The following SHPRH variants were observed in gnomAD, a reference collection of about 807,000 sequenced individuals.
SHPRH encodes E3 ubiquitin-protein ligase SHPRH.
In SHPRH, 106 loss-of-function variants were observed where a neutral mutation model predicts 202.5. The observed-to-expected ratio is 0.52, with a 90% CI of 0.45 to 0.62. SHPRH has a LOEUF of 0.62. SHPRH is among the 20% of genes least tolerant of loss of function. SHPRH has a pLI of 0.00. For synonymous variants in SHPRH, 729 were observed against 686.0 expected, an observed-to-expected ratio of 1.06 and a Z score of -0.98; for missense variants, 1,710 against 2,020.0, an observed-to-expected ratio of 0.85 and a Z score of 2.94.
At chr6:145,905,370 G>A (rs1384037616) in intron 25 of SHPRH, 1 of 152,078 alleles carries the variant, frequency 6.6e-6, no homozygotes, top group Non-Finnish European at 1.5e-5. Flanking sequence ...ACTGTCAAAT[G>A]CCTCAGGGCT....
At chr6:145,897,047 C>A (rs994088167) in intron 25 of SHPRH, among the ~76,000 whole-genome samples, 2 of 151,254 alleles carry the variant, frequency 1.3e-5, no homozygotes, top group African/African-American at 2.4e-5. Flanking sequence ...TAATAAAAAT[C>A]AGAGCAGAAA....
intron 25 of SHPRH, among the ~76,000 whole-genome samples, chr6:145,899,094 A>G (rs1487450468): frequency 6.6e-6 from 1 of 152,142 alleles, no homozygotes; most frequent in African/African-American, 2.4e-5. Context: ...GATTATAGGC[A>G]TGAGTCACTG....
intron 14 of SHPRH, among the ~76,000 whole-genome samples, chr6:145,928,680 T>C (rs953011538): frequency 6.6e-6 from 1 of 151,966 alleles, no homozygotes; most frequent in African/African-American, 2.4e-5. Context: ...TTCAGTGGCA[T>C]TATGTATATT....
chr6:145,868,144 A>C (rs756764464), intron 2 of SHPRH, among the ~76,000 whole-genome samples: 1 of 152,084 alleles, frequency 6.6e-6, no homozygotes, highest in Non-Finnish European at 1.5e-5. Context: ...GTTCTGACAT[A>C]GTTTTCCCTC....
rs1472209030 is a variant in SHPRH, at chr6:145,922,228, CT to C, written c.3782+57del. 4 of 1,458,188 alleles carry C rather than the reference CT, an allele frequency of 2.7e-6. No homozygotes were observed. In the African/African-American group the frequency reaches 5.8e-5, roughly 21 times the overall value. The allele number at this position is 1,458,188 out of a possible 1,614,324, so 90.3% of individuals were successfully genotyped here. ...GAAAACATAGTCTTATATCACATAA[CT>C]GAGTCTTGCAAAATGTTTCATTTTC... On this transcript the variant is annotated intron_variant, in intron 20 of 29. Coordinates refer to ENST00000275233, the MANE Select transcript of SHPRH (RefSeq NM_001042683.3).
intron 14 of SHPRH, among the ~76,000 whole-genome samples, chr6:145,931,437 C>A (rs1785430489): frequency 6.6e-6 from 1 of 152,150 alleles, no homozygotes; most frequent in Non-Finnish European, 1.5e-5. Flanking sequence ...ACTGCAACCT[C>A]CGCCTCCGGG....
rs1240731881 is a variant in SHPRH, at chr6:145,886,772, T to C, written c.4971A>G (p.Ser1657=). The change falls in exon 30 of 30, where the codon TCA becomes TCG. Residue 1657 remains serine, a synonymous_variant. Coordinates refer to ENST00000275233, the MANE Select transcript of SHPRH (RefSeq NM_001042683.3). ...KTAERSHTNS[S]AKHSEASVLT... is the part of the protein sequence containing the mutation. Reference sequence around the variant, plus strand: ...AGACAGAGGCCTCTGAATGCTTTGCTGATGAGTTCGTGTGACTGCAAGGTT... The same window carrying C: ...AGACAGAGGCCTCTGAATGCTTTGCCGATGAGTTCGTGTGACTGCAAGGTT... 1.9e-6 allele frequency: 3 copies of C among 1,613,508 alleles called. No homozygotes were observed. In the Admixed American group the frequency reaches 5.0e-5, roughly 27 times the overall value.
intron 2 of SHPRH, among the ~76,000 whole-genome samples, chr6:145,867,598 G>GC (rs1779833554): frequency 1.5e-4 from 2 of 13,788 alleles, no homozygotes; most frequent in East Asian, 5.5e-3. Flanking sequence ...CTTCAAAAAA[G>GC]AATATATATA....
chr6:145,883,644 T>A (rs1780752665), downstream of SHPRH: 1 of 152,234 alleles, frequency 6.6e-6, no homozygotes, highest in African/African-American at 2.4e-5. Context: ...CAGAAAATTT[T>A]ATAAAACTGT....
intron 16 of SHPRH, among the ~76,000 whole-genome samples, chr6:145,925,776 GA>G (rs1784823213): frequency 6.6e-6 from 1 of 151,824 alleles, no homozygotes; most frequent in Non-Finnish European, 1.5e-5. Flanking sequence ...TTTTGTAGAG[GA>G]AACTTCTTTG....
At chr6:145,937,376 CTTGTTAAT>C (rs1786226947) in intron 11 of SHPRH, among the ~76,000 whole-genome samples, 2 of 152,286 alleles carry the variant, frequency 1.3e-5, no homozygotes, top group African/African-American at 4.8e-5. Flanking sequence ...GTCACTGAGG[CTTGTTAAT>C]TTTGCCTTAT....
intron 28 of SHPRH, among the ~76,000 whole-genome samples, chr6:145,891,812 T>A (rs1781589967): frequency 6.6e-6 from 1 of 152,154 alleles, no homozygotes; most frequent in Non-Finnish European, 1.5e-5. Context: ...TGGGTAATGC[T>A]GAATGGCCTT....
chr6:145,879,805 G>A (rs1400069428), intron 2 of SHPRH, among the ~76,000 whole-genome samples: 2 of 151,400 alleles, frequency 1.3e-5, no homozygotes, highest in Admixed American at 6.6e-5. Context: ...CCAGCTACTC[G>A]GGAGGCTGAG....
intron 1 of SHPRH, among the ~76,000 whole-genome samples, chr6:145,963,104 G>A (rs1020687802): frequency 6.6e-6 from 1 of 152,168 alleles, no homozygotes; most frequent in African/African-American, 2.4e-5. Context: ...CAGCTTACTG[G>A]TTAACTGGTC....
rs1053590164 is a variant in SHPRH at position 145,964,264 on chromosome 6, G to C, written c.-566C>G. The C allele has an allele frequency of 1.3e-5, 2 of 152,340 alleles. No individual in the cohort carries two copies. The highest frequency in any genetic ancestry group is 1.3e-4 in the Admixed American group (2 of 15,282). The allele number at this position is 152,340 out of a possible 1,614,324, so 9.4% of individuals were successfully genotyped here. A position where few individuals can be genotyped will look rare whatever the true frequency, so the allele number is the denominator to read the frequency against. ...TTCGCCACCCACCGAACATGGGCTTGAGGTGGGCACGAGCGCTTTTTGCCG... is the reference window on the plus strand; with the variant it reads ...TTCGCCACCCACCGAACATGGGCTTCAGGTGGGCACGAGCGCTTTTTGCCG... On this transcript the variant is annotated 5_prime_UTR_variant, in exon 1 of 30. Coordinates refer to ENST00000275233, the MANE Select transcript of SHPRH (RefSeq NM_001042683.3).
intron 26 of SHPRH, among the ~76,000 whole-genome samples, chr6:145,894,679 C>T (rs895378189): frequency 6.6e-6 from 1 of 151,840 alleles, no homozygotes; most frequent in African/African-American, 2.4e-5. Context: ...AATAAAAAGT[C>T]ATGAAATATA....
At chr6:145,951,271 T>C (rs1312904796) in intron 3 of SHPRH, among the ~76,000 whole-genome samples, 1 of 152,092 alleles carries the variant, frequency 6.6e-6, no homozygotes, top group East Asian at 1.9e-4. Context: ...TCTTTCAAGG[T>C]GAAAAAGTAT....
intron 16 of SHPRH, among the ~76,000 whole-genome samples, chr6:145,925,740 C>CA (rs1328567613): frequency 6.6e-6 from 1 of 151,890 alleles, no homozygotes; most frequent in Non-Finnish European, 1.5e-5. Context: ...TTTTCGATGT[C>CA]ATTCTTTTCA....
At chr6:145,938,851 G>A (rs1203877025) in intron 11 of SHPRH, among the ~76,000 whole-genome samples, 1 of 152,150 alleles carries the variant, frequency 6.6e-6, no homozygotes, top group African/African-American at 2.4e-5. Flanking sequence ...ATAGGGTGTG[G>A]CGGGTGGAAG....
Sources: allele counts gnomAD v4.1 joint callset (sites outside exome capture counted in the v4.1 genomes callset), GRCh38; gene constraint gnomAD v4.1.1; transcripts MANE v1.5; gene names NCBI Gene and HGNC (gene_info 2026-07-23, HGNC 2026-07-21).